EPCIP: variants seen among roughly 807,000 people sequenced by gnomAD.
EPCIP encodes exosomal polycystin-1-interacting protein.
chr21:32,807,788 C>G, the EPCIP span: 1 of 152,264 alleles, frequency 6.6e-6, no homozygotes, highest in African/African-American at 2.4e-5. Flanking sequence ...GCTTACTCTC[C>G]TATGGCCTAG....
At chr21:32,794,177 A>G in the EPCIP span, 1 of 1,614,128 alleles carries the variant, frequency 6.2e-7, no homozygotes, top group Non-Finnish European at 8.5e-7. Flanking sequence ...CGTGAACCAG[A>G]TGGTCAGATG....
chr21:32,790,775 A>C, the EPCIP span: 4 of 152,242 alleles, frequency 2.6e-5, no homozygotes, highest in Non-Finnish European at 4.4e-5. Flanking sequence ...CTGCTGGTTA[A>C]ACTTTTGTTA....
the EPCIP span, chr21:32,797,477 G>C: frequency 6.1e-5 from 10 of 164,104 alleles, no homozygotes; most frequent in Non-Finnish European, 1.2e-4. Flanking sequence ...TTGAACTCCT[G>C]ACCTTAGGGT....
chr21:32,794,539 A>C, the EPCIP span: 1 of 952,510 alleles, frequency 1.0e-6, no homozygotes, highest in Non-Finnish European at 1.6e-6. Context: ...TACACAGCTT[A>C]TGGAAAAGGA....
At chr21:32,804,056 G>A in the EPCIP span, among the ~76,000 whole-genome samples, 1 of 152,056 alleles carries the variant, frequency 6.6e-6, no homozygotes, top group African/African-American at 2.4e-5. Context: ...GTAAATTCAT[G>A]TCTCCATAAG....
chr21:32,804,390 C>T, the EPCIP span, among the ~76,000 whole-genome samples: 315 of 151,726 alleles, frequency 2.1e-3, 2 homozygotes, highest in Middle Eastern at 0.027. Flanking sequence ...AAGTGATTCT[C>T]CTGCCTTGGC....
At chr21:32,808,745 T>C in the EPCIP span, among the ~76,000 whole-genome samples, 3 of 152,264 alleles carry the variant, frequency 2.0e-5, no homozygotes, top group African/African-American at 7.2e-5. Flanking sequence ...GTGTCAATAC[T>C]GGTTCATTAA....
chr21:32,809,043 C>CT, the EPCIP span, among the ~76,000 whole-genome samples: 7 of 151,736 alleles, frequency 4.6e-5, no homozygotes, highest in South Asian at 2.1e-4. Flanking sequence ...AGAGAAGATT[C>CT]TTTTTTTGTT....
At chr21:32,791,376 TATC>T in the EPCIP span, 1 of 152,236 alleles carries the variant, frequency 6.6e-6, no homozygotes, top group African/African-American at 2.4e-5. Context: ...ATATACTTTC[TATC>T]ATCATTTAAT....
chr21:32,794,371 G>T, the EPCIP span: 2 of 1,614,220 alleles, frequency 1.2e-6, no homozygotes, highest in Admixed American at 3.3e-5. Context: ...TAAGTGCAAA[G>T]ACACCCAGAG....
the EPCIP span, chr21:32,793,907 A>G: frequency 3.1e-6 from 5 of 1,614,250 alleles, no homozygotes; most frequent in South Asian, 3.3e-5. Context: ...GAAAAGAGCC[A>G]TATCTAAGAA....
the EPCIP span, chr21:32,813,691 GC>G: frequency 2.1e-6 from 1 of 471,216 alleles, no homozygotes; most frequent in South Asian, 1.5e-5. Context: ...TAATCTGCAA[GC>G]CAGGGTGGAA....
At chr21:32,811,199 C>T in the EPCIP span, among the ~76,000 whole-genome samples, 40 of 150,928 alleles carry the variant, frequency 2.7e-4, no homozygotes, top group South Asian at 2.0e-3. Context: ...GGCACTATCT[C>T]GGCTCACTGC....
At chr21:32,801,177 C>T in the EPCIP span, among the ~76,000 whole-genome samples, 1 of 152,164 alleles carries the variant, frequency 6.6e-6, no homozygotes, top group Admixed American at 6.5e-5. Flanking sequence ...CACCCCTCTT[C>T]CCCCTTAATG....
At chr21:32,801,091 G>A in the EPCIP span, among the ~76,000 whole-genome samples, 1 of 152,154 alleles carries the variant, frequency 6.6e-6, no homozygotes, top group African/African-American at 2.4e-5. Context: ...ATTCCACGAA[G>A]GAACCGACGG....
the EPCIP span, among the ~76,000 whole-genome samples, chr21:32,800,493 T>C: frequency 0.72 from 109,026 of 152,164 alleles, 39,910 homozygotes; most frequent in East Asian, 0.91. Context: ...AAATATTTAA[T>C]AATCATGCAC....
At chr21:32,810,670 C>T in the EPCIP span, 6 of 471,520 alleles carry the variant, frequency 1.3e-5, no homozygotes, top group Non-Finnish European at 2.6e-5. Context: ...AAGTTAAATA[C>T]CACCTAGATG....
At chr21:32,807,108 G>A in the EPCIP span, among the ~76,000 whole-genome samples, 2 of 152,170 alleles carry the variant, frequency 1.3e-5, no homozygotes, top group Non-Finnish European at 2.9e-5. Context: ...CACAACATGA[G>A]GGAATGATGA....
At chr21:32,801,275 C>T in the EPCIP span, among the ~76,000 whole-genome samples, 84 of 152,300 alleles carry the variant, frequency 5.5e-4, no homozygotes, top group African/African-American at 1.3e-3. Flanking sequence ...CTAGCCTACC[C>T]TGCTAGCTGG....
Sources: allele counts gnomAD v4.1 joint callset (sites outside exome capture counted in the v4.1 genomes callset), GRCh38; gene constraint gnomAD v4.1.1; transcripts MANE v1.5; gene names NCBI Gene and HGNC (gene_info 2026-07-23, HGNC 2026-07-21).